The following ALPK1 variants were observed in gnomAD, a reference collection of about 807,000 sequenced individuals.
ALPK1 encodes the protein alpha-protein kinase 1.
Under a neutral mutation model 120.6 loss-of-function variants are expected in ALPK1, and 110 were observed. The ratio of observed to expected loss-of-function variants is 0.91; its 90% CI spans 0.78 to 1.07. The LOEUF is 1.07. Among genes scored for constraint, ALPK1 ranks in the 50% least tolerant of loss-of-function variants. The probability of loss-of-function intolerance (pLI) is 0.00; values close to 1 mark genes in which losing one functional copy is unlikely to be tolerated. For synonymous variants in ALPK1, 582 were observed against 560.3 expected (o/e 1.04, Z -0.55); for missense variants, 1,498 against 1,483.9 (o/e 1.01, Z -0.16).
At chr4:112,306,659 G>A (rs1443948338) in intron 1 of ALPK1, among the ~76,000 whole-genome samples, 1 of 151,624 alleles carries the variant, frequency 6.6e-6, no homozygotes, top group Non-Finnish European at 1.5e-5. Context: ...TATTAGTCTT[G>A]CTAGTGGTCT....
chr4:112,362,321 T>A (rs1391737033), intron 2 of ALPK1, among the ~76,000 whole-genome samples: 1 of 152,024 alleles, frequency 6.6e-6, no homozygotes, highest in African/African-American at 2.4e-5. Context: ...GAAGTCCAGC[T>A]TAAGGAAATC....
intron 4 of ALPK1, among the ~76,000 whole-genome samples, chr4:112,388,872 T>A (rs1176031600): frequency 6.6e-6 from 1 of 152,208 alleles, no homozygotes; most frequent in African/African-American, 2.4e-5. Context: ...GCTCAATCTA[T>A]GTTCTTTAAG....
intron 2 of ALPK1, among the ~76,000 whole-genome samples, chr4:112,365,738 C>G (rs1484489845): frequency 6.6e-6 from 1 of 151,970 alleles, no homozygotes; most frequent in Non-Finnish European, 1.5e-5. Context: ...AAAAAGAGAC[C>G]GCATAGTCAA....
At chr4:112,423,395 T>A (rs1395272177) in intron 5 of ALPK1, among the ~76,000 whole-genome samples, 1 of 152,200 alleles carries the variant, frequency 6.6e-6, no homozygotes, top group Non-Finnish European at 1.5e-5. Flanking sequence ...CCAGATCATG[T>A]AGGGCTTAGA....
At chr4:112,326,792 A>G (rs1337227261) in intron 2 of ALPK1, among the ~76,000 whole-genome samples, 1 of 152,228 alleles carries the variant, frequency 6.6e-6, no homozygotes, top group Non-Finnish European at 1.5e-5. Flanking sequence ...GGCATTGTTG[A>G]TTGAACAGGG....
At chr4:112,338,195 G>A (rs2148704587) in intron 2 of ALPK1, among the ~76,000 whole-genome samples, 1 of 152,286 alleles carries the variant, frequency 6.6e-6, no homozygotes, top group East Asian at 1.9e-4. Context: ...TCGAACTCCT[G>A]ACTTCAGGTG....
intron 2 of ALPK1, among the ~76,000 whole-genome samples, chr4:112,329,873 T>C (rs1302707784): frequency 6.6e-6 from 1 of 152,238 alleles, no homozygotes; most frequent in Non-Finnish European, 1.5e-5. Flanking sequence ...CAATAAATAC[T>C]GGTCGAATGA....
chr4:112,330,460 A>C (rs1030537571), intron 2 of ALPK1, among the ~76,000 whole-genome samples: 9 of 152,204 alleles, frequency 5.9e-5, no homozygotes, highest in Non-Finnish European at 8.8e-5. Context: ...GAACATATGC[A>C]CTACCACCCA....
At chr4:112,372,092 G>A (rs1006223647) in intron 2 of ALPK1, among the ~76,000 whole-genome samples, 8 of 151,860 alleles carry the variant, frequency 5.3e-5, no homozygotes, top group African/African-American at 1.2e-4. Context: ...GTGTGCATTC[G>A]TTTCCTATTT....
In ALPK1 at chr4:112,308,550, A is replaced by G. The variant is rs938992811; in HGVS notation, c.-152-7251A>G. Among the ~76,000 whole-genome samples the G allele has an allele frequency of 2.6e-5, 4 of 152,172 alleles. No homozygotes were observed. The East Asian group carries it at 7.7e-4, about 29-fold the overall frequency. On this transcript the variant is annotated intron_variant, in intron 1 of 15. Coordinates refer to ENST00000650871, the MANE Select transcript of ALPK1 (RefSeq NM_025144.4). ...TCCAGTTGATCGAATCGGCTACTGA[A>G]ACTTGTGCATTCATCACATATTTCT... is the stretch of plus-strand genomic sequence containing the variant.
chr4:112,301,846 G>A (rs1012072258), intron 1 of ALPK1, among the ~76,000 whole-genome samples: 1 of 152,016 alleles, frequency 6.6e-6, no homozygotes, highest in African/African-American at 2.4e-5. Flanking sequence ...TCTACGTCCT[G>A]GGCTAGGCTC....
intron 2 of ALPK1, among the ~76,000 whole-genome samples, chr4:112,327,469 C>G (rs548146557): frequency 3.9e-5 from 6 of 152,332 alleles, no homozygotes; most frequent in South Asian, 2.1e-4. Context: ...TTCATTCACT[C>G]TGTCACCCAG....
At chr4:112,383,691 T>G (rs1350572029) in intron 4 of ALPK1, 1 of 152,236 alleles carries the variant, frequency 6.6e-6, no homozygotes, top group Non-Finnish European at 1.5e-5. Flanking sequence ...TAACTATCAC[T>G]ATAGAGTTTA....
At chr4:112,429,019 C>A in intron 9 of ALPK1, 130 bp from the exon 10 acceptor site, 1 of 796,252 alleles carries the variant, frequency 1.3e-6, no homozygotes. Flanking sequence ...TTTCTTTACA[C>A]TGTTCTGAAC....
chr4:112,440,843 GTA>G (rs1491037231), intron 14 of ALPK1, 72 bp from the exon 15 acceptor site: 11 of 1,527,410 alleles, frequency 7.2e-6, no homozygotes, highest in Admixed American at 2.0e-5. Flanking sequence ...GTGTGTGTGT[GTA>G]TGTATTTTTG....
At chr4:112,346,111 C>T (rs1202016430) in intron 2 of ALPK1, among the ~76,000 whole-genome samples, 1 of 152,212 alleles carries the variant, frequency 6.6e-6, no homozygotes, top group African/African-American at 2.4e-5. Flanking sequence ...GATCTGCCCA[C>T]CTGGGCTTCC....
intron 2 of ALPK1, chr4:112,356,078 A>C: frequency 9.9e-7 from 1 of 1,011,456 alleles, no homozygotes. Flanking sequence ...TTTTTCTCAC[A>C]GACCCGAATA....
intron 2 of ALPK1, among the ~76,000 whole-genome samples, chr4:112,337,389 T>C (rs1312472432): frequency 6.6e-6 from 1 of 152,170 alleles, no homozygotes; most frequent in East Asian, 1.9e-4. Flanking sequence ...GGTTTCTGAG[T>C]GCTATTGGAA....
intron 1 of ALPK1, among the ~76,000 whole-genome samples, chr4:112,305,988 C>G (rs1335908834): frequency 4.6e-5 from 7 of 152,056 alleles, no homozygotes; most frequent in African/African-American, 1.7e-4. Flanking sequence ...AAGGCCTTTT[C>G]TGCATCTATT....
Sources: gnomAD v4.1 joint callset for allele counts (sites outside exome capture counted in the v4.1 genomes callset) on GRCh38, gnomAD v4.1.1 for gene constraint, MANE v1.5 for transcripts, NCBI Gene and HGNC (gene_info 2026-07-23, HGNC 2026-07-21) for gene names.